RAPGEF5: variants seen among roughly 807,000 people sequenced by gnomAD.
RAPGEF5 encodes the protein Rap guanine nucleotide exchange factor 5, also known as M-Ras-regulated GEF.
RAPGEF5 carries 65 observed loss-of-function variants against 125.2 expected under a neutral mutation model. That is an observed-to-expected ratio of 0.52 (90% CI 0.43 to 0.64). The LOEUF (loss-of-function observed/expected upper bound fraction) is 0.64, where lower values mean the gene tolerates loss of function less well. Among genes scored for constraint, RAPGEF5 ranks in the 30% least tolerant of loss-of-function variants. The pLI is 0.00. For synonymous variants in RAPGEF5, 391 were observed against 385.9 expected (o/e 1.01, Z -0.16); for missense variants, 958 against 1,048.1 (o/e 0.91, Z 1.19).
intron 21 of RAPGEF5, among the ~76,000 whole-genome samples, chr7:22,138,924 T>C (rs946971344): frequency 6.6e-6 from 1 of 152,212 alleles, no homozygotes. Flanking sequence ...CTGTCACCCA[T>C]GTCTTTCATC....
chr7:22,308,677 C>T (rs1024191150), intron 4 of RAPGEF5, among the ~76,000 whole-genome samples, 170 bp from the exon 5 acceptor site: 3 of 152,130 alleles, frequency 2.0e-5, no homozygotes, highest in African/African-American at 7.2e-5. Context: ...TTGGAAAGGA[C>T]TTACTGACTA....
At chr7:22,324,980 G>C (rs1783785480) in intron 1 of RAPGEF5, among the ~76,000 whole-genome samples, 2 of 152,172 alleles carry the variant, frequency 1.3e-5, no homozygotes, top group Admixed American at 6.5e-5. Flanking sequence ...GCTTCAGCCA[G>C]GCAGGTTGTC....
At chr7:22,341,014 T>C (rs1472125445) in intron 1 of RAPGEF5, among the ~76,000 whole-genome samples, 1 of 152,218 alleles carries the variant, frequency 6.6e-6, no homozygotes, top group Non-Finnish European at 1.5e-5. Context: ...GGTCATCCCT[T>C]GACTCCCTCA....
chr7:22,202,933 A>G (rs766022423), intron 9 of RAPGEF5: 1 of 362,006 alleles, frequency 2.8e-6, no homozygotes, highest in South Asian at 2.1e-5. Context: ...GCAGAAAAAT[A>G]TACAAACTAT....
intron 7 of RAPGEF5, among the ~76,000 whole-genome samples, chr7:22,259,998 C>T (rs147543098): frequency 1.3e-5 from 2 of 151,886 alleles, no homozygotes; most frequent in African/African-American, 2.4e-5. Context: ...GCAGGAGAAT[C>T]GTTTGAAATC....
chr7:22,152,298 C>T (rs1783654606), intron 17 of RAPGEF5, among the ~76,000 whole-genome samples: 1 of 152,158 alleles, frequency 6.6e-6, no homozygotes, highest in Admixed American at 6.5e-5. Flanking sequence ...AGTTCCATCT[C>T]CTGGGTTCCA....
intron 6 of RAPGEF5, among the ~76,000 whole-genome samples, chr7:22,284,814 AG>A (rs1782758864): frequency 6.6e-6 from 1 of 152,188 alleles, no homozygotes; most frequent in African/African-American, 2.4e-5. Context: ...GCCAGGAAAA[AG>A]GGTGAATAGA....
At chr7:22,340,907 A>T (rs1281407068) in intron 1 of RAPGEF5, among the ~76,000 whole-genome samples, 1 of 152,204 alleles carries the variant, frequency 6.6e-6, no homozygotes, top group Non-Finnish European at 1.5e-5. Context: ...GACCAGAAAG[A>T]AGAGAAAATG....
chr7:22,196,518 C>A (rs1785150403), intron 9 of RAPGEF5, among the ~76,000 whole-genome samples: 1 of 152,180 alleles, frequency 6.6e-6, no homozygotes, highest in Non-Finnish European at 1.5e-5. Context: ...GTTCTGGACA[C>A]CAAGCGGCAA....
rs376478720 is a variant in RAPGEF5 at position 22,309,981 on chromosome 7, T to C, written c.499A>G (p.Ile167Val). 5.5e-5 allele frequency: 88 copies of C among 1,586,992 alleles called. No homozygotes were observed. The African/African-American group carries it at 8.8e-4, about 16-fold the overall frequency. ...GVWQLLLDMGIMLSVDQHLYF... is the reference protein window; with the variant it reads ...GVWQLLLDMGVMLSVDQHLYF... ...ACATAATACTAACCTGATAACATAA[T>C]TCCCATGTCCAGTAGGAGTTGCCAG... is the stretch of plus-strand genomic sequence containing the variant. Residue 167 changes from isoleucine (I) to valine (V), a missense_variant, in exon 4 of 26, where the codon ATT becomes GTT. Transcript: ENST00000665637.
At chr7:22,298,866 A>T (rs1443310313) in intron 5 of RAPGEF5, among the ~76,000 whole-genome samples, 3 of 152,170 alleles carry the variant, frequency 2.0e-5, no homozygotes, top group East Asian at 3.8e-4. Flanking sequence ...TGTCCATTCC[A>T]CCTAAGTTTT....
At position 22,233,708 on chromosome 7, in the gene RAPGEF5, T is replaced by A. The variant is rs919443456; in HGVS notation, c.797-2789A>T. Reference sequence around the variant, plus strand: ...CCACCTCACCTGGCCTCACACTACATTTTAAGCTTTAGGAATAATTCTTAA... The same window carrying A: ...CCACCTCACCTGGCCTCACACTACAATTTAAGCTTTAGGAATAATTCTTAA... On this transcript the variant is annotated intron_variant, in intron 7 of 25. Coordinates refer to ENST00000665637, the MANE Select transcript of RAPGEF5 (RefSeq NM_012294.5). 2.0e-5 allele frequency among the ~76,000 whole-genome samples: 3 copies of A among 152,162 alleles called. No individual in the cohort carries two copies. In the East Asian group the frequency reaches 5.8e-4, roughly 29 times the overall value.
intron 12 of RAPGEF5, among the ~76,000 whole-genome samples, chr7:22,166,612 G>A (rs1308343126): frequency 6.6e-6 from 1 of 152,244 alleles, no homozygotes; most frequent in Non-Finnish European, 1.5e-5. Context: ...GACCTCCCAT[G>A]TGGGGGAATG....
intron 9 of RAPGEF5, among the ~76,000 whole-genome samples, chr7:22,215,794 A>G (rs1240422969): frequency 6.6e-6 from 1 of 152,166 alleles, no homozygotes; most frequent in East Asian, 1.9e-4. Flanking sequence ...TGTTTAAGGT[A>G]TTTTCAAAGG....
chr7:22,260,871 G>A (rs1006201956), intron 7 of RAPGEF5, among the ~76,000 whole-genome samples: 3 of 152,156 alleles, frequency 2.0e-5, no homozygotes, highest in Non-Finnish European at 1.5e-5. Context: ...AAACAGGATA[G>A]TGTAGGCACA....
intron 7 of RAPGEF5, among the ~76,000 whole-genome samples, chr7:22,232,533 T>C (rs1174572993): frequency 6.6e-6 from 1 of 152,182 alleles, no homozygotes. Context: ...TTGGCCAGGC[T>C]GGTCTCAAAC....
chr7:22,252,229 C>T (rs562227895), intron 7 of RAPGEF5, among the ~76,000 whole-genome samples: 1 of 152,272 alleles, frequency 6.6e-6, no homozygotes, highest in African/African-American at 2.4e-5. Context: ...TGTCCTGGAC[C>T]ACACAAGACC....
intron 11 of RAPGEF5, among the ~76,000 whole-genome samples, chr7:22,169,089 G>A (rs1784261575): frequency 6.6e-6 from 1 of 152,168 alleles, no homozygotes; most frequent in African/African-American, 2.4e-5. Flanking sequence ...TTCCTAAACA[G>A]ATATACCTGG....
chr7:22,264,923 T>A (rs1782246141), intron 7 of RAPGEF5, among the ~76,000 whole-genome samples: 2 of 152,208 alleles, frequency 1.3e-5, no homozygotes, highest in African/African-American at 4.8e-5. Flanking sequence ...ATGACGAGAA[T>A]CAAGATCAGC....
Sources: gnomAD v4.1 joint callset for allele counts (sites outside exome capture counted in the v4.1 genomes callset) on GRCh38, gnomAD v4.1.1 for gene constraint, MANE v1.5 for transcripts, NCBI Gene and HGNC (gene_info 2026-07-23, HGNC 2026-07-21) for gene names.